Variants in STK25 observed in about 807,000 individuals in gnomAD.
The protein encoded by STK25 is serine/threonine kinase 25.
A neutral mutation model predicts 53.8 loss-of-function variants in STK25; 29 were observed. That is an observed-to-expected ratio of 0.54 (90% confidence interval 0.40 to 0.74). The LOEUF is 0.74. Among genes scored for constraint, STK25 ranks in the 30% least tolerant of loss-of-function variants. STK25 has a pLI of 0.00. For missense variants in STK25, 420 were observed against 568.0 expected (o/e 0.74, Z 2.65); for synonymous variants, 247 against 238.3 (o/e 1.04, Z -0.33).
Position 241,496,866 on chromosome 2 carries a change from A to T in STK25, c.1105-332T>A, listed in dbSNP as rs2065200181. 1.3e-5 allele frequency among the ~76,000 whole-genome samples: 2 copies of T among 152,152 alleles called. No homozygotes were observed. The highest frequency in any genetic ancestry group is 4.8e-5 in the African/African-American group (2 of 41,436). On this transcript the variant is annotated intron_variant, in intron 10 of 11. Transcript: ENST00000316586. The surrounding 1 kb of genome is among the most constrained non-coding windows in gnomAD (Gnocchi z 5.8). The stretch of plus-strand genomic sequence containing the variant: ...CTCAATGGGTCTAATCAGACCCAAA[A>T]ACACGAAGCCCAGAAACCCCCAAAG...
chr2:241,508,478 C>T lies in STK25; in HGVS notation c.-136G>A, dbSNP rs2065995266. 2 of 1,045,228 alleles carry T rather than the reference C, an allele frequency of 1.9e-6. No homozygotes were observed. The highest frequency in any genetic ancestry group is 2.3e-6 in the Non-Finnish European group (2 of 866,604). 64.7% of individuals were successfully genotyped at this position (1,045,228 alleles called of 1,614,324 possible). On this transcript the variant is annotated 5_prime_UTR_variant, in exon 1 of 12. Coordinates refer to ENST00000316586, the MANE Select transcript of STK25 (RefSeq NM_001271977.2). ...CTCCATCCCGGCCTCCCCCGGCCCG[C>T]TCTGCAGCGCCCGCGAAGGCTCCCA...
chr2:241,507,925 G>C, intron 2 of STK25, 81 bp downstream of exon 2: 2 of 1,395,950 alleles, frequency 1.4e-6, no homozygotes, highest in South Asian at 2.5e-5. Context: ...CTCCGGCGTG[G>C]CGCTCCCCTC....
chr2:241,494,038 C>T lies in STK25; in HGVS notation c.*1624G>A, dbSNP rs1559821385. On this transcript the variant is annotated 3_prime_UTR_variant, in exon 12 of 12. Coordinates refer to ENST00000316586, the MANE Select transcript of STK25 (RefSeq NM_001271977.2). The surrounding 1 kb of genome is among the most constrained non-coding windows in gnomAD (Gnocchi z 4.9). ...TGGAGGTGATCCAGGGGGCCAGCAG[C>T]TCAGCCGGGAGGGCCCCAAGCATCG... 2 of 1,409,866 alleles carry T rather than the reference C, an allele frequency of 1.4e-6. No homozygotes were observed. The highest frequency in any genetic ancestry group is 1.9e-6 in the Non-Finnish European group (2 of 1,080,592). 87.3% of individuals were successfully genotyped at this position (1,409,866 alleles called of 1,614,324 possible).
At chr2:241,506,358 G>A (rs369862273) in intron 2 of STK25, among the ~76,000 whole-genome samples, 7 of 152,222 alleles carry the variant, frequency 4.6e-5, no homozygotes, top group Non-Finnish European at 4.4e-5. Context: ...CAATGTGCCC[G>A]CACTCCCTTC....
chr2:241,501,521 CACTG>C lies in STK25; in HGVS notation c.214_217del (p.Gln72AlafsTer14), dbSNP rs751599599. 1.2e-6 allele frequency: 2 copies of C among 1,614,130 alleles called. No homozygotes were observed. Among genetic ancestry groups the C allele is most frequent in the East Asian group, 2.2e-5 (1 of 44,888 alleles). On this transcript the variant is annotated frameshift_variant, in exon 3 of 12. Transcript: ENST00000316586. LOFTEE classifies it high-confidence loss of function. The surrounding 1 kb of genome is among the most constrained non-coding windows in gnomAD (Gnocchi z 5.3). ...GTAGCGGGTGATGTAGGGGCTGTCG[CACTG>C]ACTGAGGACAGTGATCTCCTGCTGG...
At position 241,492,974 on chromosome 2, in the gene STK25, G is replaced by A. The variant is rs1352087147; in HGVS notation, c.*2688C>T. 1 of 1,613,170 alleles carries A rather than the reference G, an allele frequency of 6.2e-7. No homozygotes were observed. The highest frequency in any genetic ancestry group is 1.3e-5 in the African/African-American group (1 of 74,906). On this transcript the variant is annotated 3_prime_UTR_variant, in exon 12 of 12. Coordinates refer to ENST00000316586, the MANE Select transcript of STK25 (RefSeq NM_001271977.2). ...GCTAAGAAAGTTCAAAAACAGTCAT[G>A]GCTGGCAGAAGCTCTGGGTCGTCTT...
At chr2:241,495,903 G>A (rs571753498) in intron 11 of STK25, among the ~76,000 whole-genome samples, 4 of 152,362 alleles carry the variant, frequency 2.6e-5, no homozygotes, top group South Asian at 4.1e-4. Flanking sequence ...CAGGGGCGCC[G>A]GGAAGGGGTC....
In STK25 at chr2:241,494,192, T is replaced by C; in HGVS notation, c.*1470A>G. On this transcript the variant is annotated 3_prime_UTR_variant, in exon 12 of 12. Coordinates refer to ENST00000316586, the MANE Select transcript of STK25 (RefSeq NM_001271977.2). The surrounding 1 kb of genome is among the most constrained non-coding windows in gnomAD (Gnocchi z 4.9). ...CAGGACACAGAGGTGACCTCTGTCC[T>C]GAGGCTTCTCAACAGATGGGAAGTG... The C allele has an allele frequency of 1.0e-6, 1 of 977,516 alleles. No homozygotes were observed. Among genetic ancestry groups the C allele is most frequent in the Admixed American group, 3.1e-5 (1 of 32,754 alleles). 60.6% of individuals were successfully genotyped at this position (977,516 alleles called of 1,614,324 possible).
In STK25 at chr2:241,492,850, T is replaced by TA; in HGVS notation, c.*2811dup. 1.3e-6 allele frequency: 1 copy of TA among 791,996 alleles called. No homozygotes were observed. 49.1% of individuals were successfully genotyped at this position (791,996 alleles called of 1,614,324 possible). On this transcript the variant is annotated 3_prime_UTR_variant, in exon 12 of 12. Coordinates refer to ENST00000316586, the MANE Select transcript of STK25 (RefSeq NM_001271977.2). ...CAGCTGGAGAAAGCATGCAGAGGCT[T>TA]AGTCTTGGGGAGCAAACCCACTCCC... is the stretch of plus-strand genomic sequence containing the variant.
rs756127240 is a variant in STK25, at chr2:241,499,034, G to T, written c.726C>A (p.Pro242=). The T allele has an allele frequency of 6.2e-7, 1 of 1,613,952 alleles. No individual in the cohort carries two copies. The highest frequency in any genetic ancestry group is 1.3e-5 in the African/African-American group (1 of 74,948). Reference sequence around the variant, plus strand: ...GGCAGGCCTCCACGAACTCCTTGAAGGGCTTGCTGTGCTGGCCCTCCAGTG... The same window carrying T: ...GGCAGGCCTCCACGAACTCCTTGAATGGCTTGCTGTGCTGGCCCTCCAGTG... The part of the protein sequence containing the change: ...PPTLEGQHSK[P]FKEFVEACLN... The change falls in exon 7 of 12, where the codon CCC becomes CCA. Residue 242 remains proline, a synonymous_variant. Coordinates refer to ENST00000316586, the MANE Select transcript of STK25 (RefSeq NM_001271977.2).
In STK25 at chr2:241,501,113, G is replaced by A. The variant is rs895997793; in HGVS notation, c.262-317C>T. 6.1e-5 allele frequency: 34 copies of A among 553,570 alleles called. 1 individual carries two copies. The highest frequency in any genetic ancestry group is 1.4e-4 in the South Asian group (7 of 48,622). 34.3% of individuals were successfully genotyped at this position (553,570 alleles called of 1,614,324 possible). ...GGCATGGCTGGCAAGCATGTGACCC[G>A]ACACACCCATCACCCTCCTGGGCAG... On this transcript the variant is annotated intron_variant, in intron 3 of 11. Transcript: ENST00000316586. This position sits in a 1 kb window ranked among gnomAD's most constrained non-coding sequence, Gnocchi z 5.3.
chr2:241,507,970 G>A (rs2065948833), intron 2 of STK25, 36 bp downstream of exon 2: 1 of 1,557,086 alleles, frequency 6.4e-7, no homozygotes, highest in Non-Finnish European at 8.7e-7. Flanking sequence ...CCCTCGGTGA[G>A]AGGCCGCTAG....
chr2:241,500,898 G>A (rs971377837), intron 3 of STK25, 102 bp from the exon 4 acceptor site: 160 of 1,160,842 alleles, frequency 1.4e-4, no homozygotes, highest in East Asian at 4.8e-4. Context: ...AGGCCCCACC[G>A]GTCCCATCCC....
chr2:241,508,624 C>G, upstream of STK25: 2 of 987,022 alleles, frequency 2.0e-6, no homozygotes, highest in Non-Finnish European at 2.4e-6. Flanking sequence ...CGTCGCGGCC[C>G]GCGCACGGCT....
chr2:241,500,213 A>G lies in STK25; in HGVS notation c.387T>C (p.Asp129=). The change falls in exon 5 of 12, where the codon GAT becomes GAC. Residue 129 remains aspartate (D), a synonymous_variant. Transcript: ENST00000316586. ...GGATCTTGCGTTCGGAGTGCAGATA[A>G]TCCAGGCCCTTCAGAATCTCCCGCA... The part of the protein sequence containing the change: ...TILREILKGL[D]YLHSERKIHR... The G allele has an allele frequency of 1.2e-6, 2 of 1,613,860 alleles. No homozygotes were observed. Among genetic ancestry groups the G allele is most frequent in the Non-Finnish European group, 8.5e-7 (1 of 1,179,968 alleles).
At position 241,496,266 on chromosome 2, in the gene STK25, G is replaced by T; in HGVS notation, c.1241+132C>A. 1.8e-6 allele frequency: 2 copies of T among 1,121,540 alleles called. No individual in the cohort carries two copies. The highest frequency in any genetic ancestry group is 2.6e-6 in the Non-Finnish European group (2 of 777,858). 69.5% of individuals were successfully genotyped at this position (1,121,540 alleles called of 1,614,324 possible). ...AACAAGGAAGAGGATGCCACGCCGC[G>T]CCTTCCCAGAGTGAAGCGAGCCCAT... is the stretch of plus-strand genomic sequence containing the variant. On this transcript the variant is annotated intron_variant, in intron 11 of 11. Coordinates refer to ENST00000316586, the MANE Select transcript of STK25 (RefSeq NM_001271977.2). This position sits in a 1 kb window ranked among gnomAD's most constrained non-coding sequence, Gnocchi z 5.8.
rs2065028962 is a variant in STK25 at position 241,493,899 on chromosome 2, A to G, written c.*1763T>C. The G allele has an allele frequency of 1.5e-6, 1 of 674,246 alleles. No individual in the cohort carries two copies. The highest frequency in any genetic ancestry group is 2.4e-6 in the Non-Finnish European group (1 of 423,328). 41.8% of individuals were successfully genotyped at this position (674,246 alleles called of 1,614,324 possible). A position where few individuals can be genotyped will look rare whatever the true frequency, so the allele number is the denominator to read the frequency against. On this transcript the variant is annotated 3_prime_UTR_variant, in exon 12 of 12. Transcript: ENST00000316586. ...GGCATGAGCCACCGCACCCGGCCCC[A>G]GGTTTTTAACCCTTCTTTTGTCCTG...
chr2:241,507,906 C>A, intron 2 of STK25, 100 bp downstream of exon 2: 1 of 1,264,374 alleles, frequency 7.9e-7, no homozygotes, highest in Non-Finnish European at 1.1e-6. Flanking sequence ...TCCCTCACCC[C>A]ACTGCCCGCT....
rs952711858 is a variant in STK25 at position 241,508,123 on chromosome 2, C to T, written c.-88G>A. ...CGCGGAGCCGGCTAGCTCGCCCCTG[C>T]GGCGTCAGTCCACTGCGAGGGACAC... On this transcript the variant is annotated 5_prime_UTR_variant, in exon 2 of 12. Coordinates refer to ENST00000316586, the MANE Select transcript of STK25 (RefSeq NM_001271977.2). The T allele has an allele frequency of 5.2e-6, 8 of 1,526,804 alleles. No homozygotes were observed. In the African/African-American group the frequency reaches 8.4e-5, roughly 16 times the overall value. The allele number at this position is 1,526,804 out of a possible 1,614,324, so 94.6% of individuals were successfully genotyped here. A position where few individuals can be genotyped will look rare whatever the true frequency, so the allele number is the denominator to read the frequency against.
Sources: gnomAD v4.1 joint callset for allele counts (sites outside exome capture counted in the v4.1 genomes callset) on GRCh38, gnomAD v4.1.1 for gene constraint, Gnocchi (gnomAD v3.1) non-coding constraint, MANE v1.5 for transcripts, NCBI Gene and HGNC (gene_info 2026-07-23, HGNC 2026-07-21) for gene names.